The following ADAM22 variants were observed in gnomAD, a reference collection of about 807,000 sequenced individuals.
ADAM22 encodes disintegrin and metalloproteinase domain-containing protein 22.
ADAM22 carries 65 observed loss-of-function variants against 144.6 expected under a neutral mutation model. That is an observed-to-expected ratio of 0.45 (90% CI 0.37 to 0.55). The LOEUF is 0.55. ADAM22 is among the 20% of genes least tolerant of loss of function. The pLI, the probability that ADAM22 is intolerant of heterozygous loss-of-function variation, is 0.00. For missense variants in ADAM22, 974 were observed against 1,184.9 expected (o/e 0.82, Z 2.61); for synonymous variants, 391 against 412.6 (o/e 0.95, Z 0.63).
In ADAM22 at chr7:88,149,352, CAAAT is replaced by C. The variant is rs138669583; in HGVS notation, c.1566+299_1566+302del. On this transcript the variant is annotated intron_variant, in intron 18 of 31. Transcript: ENST00000413139. The stretch of plus-strand genomic sequence containing the variant: ...TTCATCTACTTAGTAAAGGAAGAAA[CAAAT>C]AAACTCTCTTCAGCTGATTGAACAA... 3.6e-3 allele frequency among the ~76,000 whole-genome samples: 551 copies of C among 152,200 alleles called. 14 individuals carry two copies. In the East Asian group the frequency reaches 0.048, roughly 13 times the overall value.
chr7:88,073,555 A>G (rs1813396644), intron 3 of ADAM22, among the ~76,000 whole-genome samples: 1 of 152,204 alleles, frequency 6.6e-6, no homozygotes, highest in Non-Finnish European at 1.5e-5. Flanking sequence ...GAGGGAACCA[A>G]AAGCTCCCAC....
intron 2 of ADAM22, among the ~76,000 whole-genome samples, chr7:87,971,435 G>A (rs1484031797): frequency 2.0e-5 from 3 of 152,070 alleles, no homozygotes; most frequent in Admixed American, 6.5e-5. Context: ...GCCCACACTG[G>A]CCTCAGTGTC....
intron 4 of ADAM22, among the ~76,000 whole-genome samples, chr7:88,084,583 G>A (rs933860224): frequency 6.6e-6 from 1 of 152,116 alleles, no homozygotes; most frequent in African/African-American, 2.4e-5. Context: ...GTTCCCTCCT[G>A]TCTCGACTTC....
In ADAM22 at chr7:88,165,793, G is replaced by A. The variant is rs369995786; in HGVS notation, c.2077-39G>A. On this transcript the variant is annotated intron_variant, in intron 23 of 31. Coordinates refer to ENST00000413139, the MANE Select transcript of ADAM22 (RefSeq NM_001324418.2). ...GTTTATTTTTCATGCTTCTGTACCA[G>A]AGAGTTGACATTTACTCTAGCTTGA... is the stretch of plus-strand genomic sequence containing the variant. 35 of 1,405,740 alleles carry A rather than the reference G, an allele frequency of 2.5e-5. No homozygotes were observed. In the African/African-American group the frequency reaches 4.3e-4, roughly 17 times the overall value. 87.1% of individuals were successfully genotyped at this position (1,405,740 alleles called of 1,614,324 possible).
In ADAM22 at chr7:88,009,086, T is replaced by A. The variant is rs554808702; in HGVS notation, c.323+30674T>A. On this transcript the variant is annotated intron_variant, in intron 3 of 31. Coordinates refer to ENST00000413139, the MANE Select transcript of ADAM22 (RefSeq NM_001324418.2). ...GTAATGCAAATTTTGTGGATTTTAG[T>A]CAAATTTGGGAAAACCTCTGTCATA... is the stretch of plus-strand genomic sequence containing the variant. 6.6e-5 allele frequency among the ~76,000 whole-genome samples: 10 copies of A among 152,286 alleles called. No individual in the cohort carries two copies. In the East Asian group the frequency reaches 1.7e-3, roughly 26 times the overall value.
chr7:88,043,037 C>T (rs2129472273), intron 3 of ADAM22, among the ~76,000 whole-genome samples: 1 of 151,874 alleles, frequency 6.6e-6, no homozygotes, highest in East Asian at 1.9e-4. Flanking sequence ...ATTAGCTTAC[C>T]TATTTTCTCT....
intron 4 of ADAM22, among the ~76,000 whole-genome samples, chr7:88,103,424 G>T (rs1227027007): frequency 6.6e-6 from 1 of 151,926 alleles, no homozygotes; most frequent in Non-Finnish European, 1.5e-5. Context: ...GATGTTCCTA[G>T]AATAAAAAAT....
At position 87,980,264 on chromosome 7, in the gene ADAM22, G is replaced by A. The variant is rs1852987787; in HGVS notation, c.323+1852G>A. 1.5e-5 allele frequency among the ~76,000 whole-genome samples: 2 copies of A among 137,544 alleles called. 1 individual carries two copies. Among genetic ancestry groups the A allele is most frequent in the Non-Finnish European group, 3.0e-5 (2 of 65,904 alleles). The allele number at this position is 137,544 out of a possible 152,430, so 90.2% of individuals were successfully genotyped here. A position where few individuals can be genotyped will look rare whatever the true frequency, so the allele number is the denominator to read the frequency against. On this transcript the variant is annotated intron_variant, in intron 3 of 31. Coordinates refer to ENST00000413139, the MANE Select transcript of ADAM22 (RefSeq NM_001324418.2). ...TAAGAGCATAAATGGAGGTAGCCTG[G>A]GCTGAGAAACATGCACTGTGCTCTT...
chr7:87,982,897 G>C (rs545746900), intron 3 of ADAM22, among the ~76,000 whole-genome samples: 5 of 150,678 alleles, frequency 3.3e-5, no homozygotes, highest in Admixed American at 1.3e-4. Flanking sequence ...CTCCATGTTG[G>C]TCAGGCTGGT....
intron 3 of ADAM22, among the ~76,000 whole-genome samples, chr7:87,985,003 CTT>C (rs112339670): frequency 4.2e-5 from 6 of 142,368 alleles, no homozygotes; most frequent in Admixed American, 1.4e-4. Flanking sequence ...CAATGAAAGT[CTT>C]TTTTTTTTTT....
chr7:88,074,424 G>A (rs1813652553), intron 3 of ADAM22, among the ~76,000 whole-genome samples: 1 of 152,050 alleles, frequency 6.6e-6, no homozygotes, highest in South Asian at 2.1e-4. Flanking sequence ...AAAAGGGTTT[G>A]CCTATATTTT....
chr7:87,971,734 C>G (rs913101788), intron 2 of ADAM22, among the ~76,000 whole-genome samples: 2 of 152,210 alleles, frequency 1.3e-5, no homozygotes, highest in Non-Finnish European at 2.9e-5. Flanking sequence ...CTGATTCTCT[C>G]TTCTCAAACA....
intron 3 of ADAM22, among the ~76,000 whole-genome samples, chr7:88,065,851 A>G (rs1397862159): frequency 2.6e-5 from 4 of 152,204 alleles, no homozygotes; most frequent in African/African-American, 9.6e-5. Context: ...TTCAAAAGGT[A>G]TACACTTAAT....
chr7:88,157,136 A>G (rs937055283), intron 22 of ADAM22, among the ~76,000 whole-genome samples: 1 of 152,172 alleles, frequency 6.6e-6, no homozygotes, highest in African/African-American at 2.4e-5. Context: ...CTTACACATT[A>G]GGATAGCAAT....
intron 2 of ADAM22, among the ~76,000 whole-genome samples, chr7:87,974,407 T>C (rs2129447996): frequency 6.6e-6 from 1 of 152,280 alleles, no homozygotes; most frequent in African/African-American, 2.4e-5. Flanking sequence ...TTCCTGAATA[T>C]TGGAAGACCA....
Position 88,165,926 on chromosome 7 carries a change from G to T in ADAM22, c.2171G>T (p.Gly724Val). The T allele has an allele frequency of 1.2e-6, 2 of 1,609,890 alleles. No individual in the cohort carries two copies. Among genetic ancestry groups the T allele is most frequent in the Non-Finnish European group, 1.7e-6 (2 of 1,178,008 alleles). ...YFPHNDDAKT[G>V]ITLSGNGVAG... ...CCTCACAATGATGATGCAAAGACTG[G>T]TATCACTCTGTCTGGCAATGGTAAG... Residue 724 changes from glycine to valine, a missense_variant, in exon 24 of 32, where the codon GGT becomes GTT. Around this residue, in one of 2 missense-constraint regions of ADAM22, gnomAD observed 734 missense variants for 950.6 expected, o/e 0.77. Coordinates refer to ENST00000413139, the MANE Select transcript of ADAM22 (RefSeq NM_001324418.2).
intron 2 of ADAM22, among the ~76,000 whole-genome samples, chr7:87,946,537 A>G (rs1234297784): frequency 1.3e-5 from 2 of 152,118 alleles, no homozygotes; most frequent in Non-Finnish European, 2.9e-5. Flanking sequence ...ATATGGTGAA[A>G]GTTAGGGGTC....
At chr7:88,166,163 ATCT>A (rs1342462759) in intron 24 of ADAM22, among the ~76,000 whole-genome samples, 3 of 152,084 alleles carry the variant, frequency 2.0e-5, no homozygotes, top group African/African-American at 7.2e-5. Flanking sequence ...ATTTAGCCTT[ATCT>A]TGTCCTACTT....
chr7:87,963,555 G>T (rs547381621), intron 2 of ADAM22, among the ~76,000 whole-genome samples: 1 of 152,264 alleles, frequency 6.6e-6, no homozygotes, highest in South Asian at 2.1e-4. Context: ...CATGTCAAAT[G>T]TACAGAATCC....
Sources: allele counts gnomAD v4.1 joint callset (sites outside exome capture counted in the v4.1 genomes callset), GRCh38; gene constraint gnomAD v4.1.1; regional missense constraint gnomAD v4.1.1; transcripts MANE v1.5; gene names NCBI Gene and HGNC (gene_info 2026-07-23, HGNC 2026-07-21).